The following CLIP1 variants were observed in gnomAD, a reference collection of about 807,000 sequenced individuals.
CLIP1 encodes CAP-Gly domain containing linker protein 1.
Under a neutral mutation model 161.6 loss-of-function variants are expected in CLIP1, and 66 were observed. The observed-to-expected ratio is 0.41, with a 90% CI of 0.33 to 0.50. The LOEUF (loss-of-function observed/expected upper bound fraction) is 0.50, where lower values mean the gene tolerates loss of function less well. Ranked by LOEUF, CLIP1 falls within the 20% of genes least tolerant of loss-of-function variation. The probability of loss-of-function intolerance (pLI) is 0.27; values close to 1 mark genes in which losing one functional copy is unlikely to be tolerated. For missense variants in CLIP1, 1,376 were observed against 1,702.0 expected (o/e 0.81, Z 3.37); for synonymous variants, 598 against 626.2 (o/e 0.96, Z 0.67).
At chr12:122,415,249 A>T (rs547047170) in intron 1 of CLIP1, among the ~76,000 whole-genome samples, 2 of 151,908 alleles carry the variant, frequency 1.3e-5, no homozygotes, top group Non-Finnish European at 2.9e-5. Context: ...TGGGAGGCAG[A>T]GGCGGGCGGA....
At chr12:122,348,569 A>G (rs1190667983) in intron 9 of CLIP1, among the ~76,000 whole-genome samples, 1 of 152,136 alleles carries the variant, frequency 6.6e-6, no homozygotes, top group Non-Finnish European at 1.5e-5. Flanking sequence ...CCCAGAGGAT[A>G]ATCTCTAACA....
chr12:122,403,445 A>G (rs1176278114), intron 1 of CLIP1, among the ~76,000 whole-genome samples: 2 of 151,052 alleles, frequency 1.3e-5, no homozygotes, highest in Non-Finnish European at 2.9e-5. Context: ...CATGAAAGGA[A>G]CCTGTGGCTG....
At chr12:122,418,828 A>G (rs1258023633) in intron 1 of CLIP1, among the ~76,000 whole-genome samples, 1 of 152,146 alleles carries the variant, frequency 6.6e-6, no homozygotes, top group Non-Finnish European at 1.5e-5. Flanking sequence ...ACTAATAAAC[A>G]TTGTCTACTC....
Position 122,299,814 on chromosome 12 carries a change from G to A in CLIP1, c.3594+9948C>T, listed in dbSNP as rs550918873. ...GCCTGTAGTCCCAGCTACTCGGGAA[G>A]CTGAGGCAGGAGAATGGCGTGAACC... On this transcript the variant is annotated intron_variant, in intron 20 of 25. Coordinates refer to ENST00000620786, the MANE Select transcript of CLIP1 (RefSeq NM_001247997.2). 3.9e-5 allele frequency among the ~76,000 whole-genome samples: 6 copies of A among 152,090 alleles called. No homozygotes were observed. The East Asian group carries it at 7.7e-4, about 20-fold the overall frequency.
In CLIP1 at chr12:122,340,779, T is replaced by A; in HGVS notation, c.2425A>T (p.Ile809Phe). 2 of 1,585,552 alleles carry A rather than the reference T, an allele frequency of 1.3e-6. No individual in the cohort carries two copies. Among genetic ancestry groups the A allele is most frequent in the Non-Finnish European group, 1.7e-6 (2 of 1,167,184 alleles). The change falls in exon 11 of 26, where the codon ATT (isoleucine) becomes TTT (phenylalanine). Residue 809 changes from isoleucine (I) to phenylalanine (F), a missense_variant. This residue lies in a region of CLIP1 where 948 missense variants were observed against 1,134.8 expected (regional missense o/e 0.84). Coordinates refer to ENST00000620786, the MANE Select transcript of CLIP1 (RefSeq NM_001247997.2). ...AAEKQIKHLE[I>F]EKNAESSKAS... ...TTGCTACTTTCAGCATTCTTTTCAA[T>A]CTCTAAATGTTTAATCTGTTTCTCA...
intron 1 of CLIP1, among the ~76,000 whole-genome samples, chr12:122,401,238 T>C (rs1956131162): frequency 1.3e-5 from 2 of 152,020 alleles, no homozygotes; most frequent in Non-Finnish European, 2.9e-5. Flanking sequence ...AGTGGGCCAA[T>C]GAAGGGTGGG....
At chr12:122,300,653 C>G (rs982740479) in intron 20 of CLIP1, among the ~76,000 whole-genome samples, 2 of 152,190 alleles carry the variant, frequency 1.3e-5, no homozygotes, top group African/African-American at 4.8e-5. Flanking sequence ...CAACCTCCGC[C>G]TCCTGGGTTC....
intron 1 of CLIP1, among the ~76,000 whole-genome samples, chr12:122,382,395 C>T (rs1275708385): frequency 2.6e-5 from 4 of 151,090 alleles, no homozygotes. Context: ...CGTTGTGGCG[C>T]GTGCCTCCTG....
At chr12:122,384,910 G>T (rs1955180554) in intron 1 of CLIP1, among the ~76,000 whole-genome samples, 1 of 150,646 alleles carries the variant, frequency 6.6e-6, no homozygotes, top group Non-Finnish European at 1.5e-5. Context: ...GTTAAAACTG[G>T]AAGGGAAACA....
At chr12:122,388,561 A>G (rs570739342) in intron 1 of CLIP1, among the ~76,000 whole-genome samples, 2 of 152,026 alleles carry the variant, frequency 1.3e-5, no homozygotes, top group Admixed American at 6.6e-5. Flanking sequence ...TGGATGCTGA[A>G]GTTTATTATT....
chr12:122,404,885 G>T (rs1338142282), intron 1 of CLIP1, among the ~76,000 whole-genome samples: 3 of 148,190 alleles, frequency 2.0e-5, no homozygotes, highest in African/African-American at 7.5e-5. Context: ...GGGTGACAGA[G>T]CGAGACTCCA....
In CLIP1 at chr12:122,271,998, C is replaced by G. The variant is rs1955200860; in HGVS notation, c.*877G>C. 6.6e-6 allele frequency: 1 copy of G among 152,426 alleles called. No individual in the cohort carries two copies. The highest frequency in any genetic ancestry group is 1.5e-5 in the Non-Finnish European group (1 of 67,992). 9.4% of individuals were successfully genotyped at this position (152,426 alleles called of 1,614,324 possible). A position where few individuals can be genotyped will look rare whatever the true frequency, so the allele number is the denominator to read the frequency against. The stretch of plus-strand genomic sequence containing the variant: ...ATCTGGTGAAGAAATAAAAGGAAAA[C>G]AAACAAATGAAAATGGTTGCAAAGC... On this transcript the variant is annotated 3_prime_UTR_variant, in exon 26 of 26. Coordinates refer to ENST00000620786, the MANE Select transcript of CLIP1 (RefSeq NM_001247997.2).
intron 20 of CLIP1, among the ~76,000 whole-genome samples, chr12:122,308,697 A>C (rs1428113736): frequency 6.6e-6 from 1 of 152,328 alleles, no homozygotes; most frequent in Admixed American, 6.5e-5. Context: ...GACAGCTAGC[A>C]CTTATTTGTG....
intron 1 of CLIP1, among the ~76,000 whole-genome samples, chr12:122,412,056 TTTTC>T (rs1593271365): frequency 7.3e-6 from 1 of 136,132 alleles, no homozygotes; most frequent in Non-Finnish European, 1.5e-5. Context: ...CAACCAGTTA[TTTTC>T]TTTTTTTTTT....
At chr12:122,318,305 TG>T (rs1202638408) in intron 18 of CLIP1, among the ~76,000 whole-genome samples, 1 of 152,046 alleles carries the variant, frequency 6.6e-6, no homozygotes, top group Non-Finnish European at 1.5e-5. Context: ...GAGGCCAAGG[TG>T]GGAGGATCAC....
Position 122,349,913 on chromosome 12 carries a change from T to G in CLIP1, c.1401+1198A>C, listed in dbSNP as rs201229212. ...TTTTTTGTTTTTTTTGTTTTTTTTG[T>G]TTTTTTTTGAGATGGAGTTTTGTTC... On this transcript the variant is annotated intron_variant, in intron 9 of 25. Transcript: ENST00000620786. Among the ~76,000 whole-genome samples the G allele has an allele frequency of 6.1e-3, 692 of 113,198 alleles. 6 individuals are homozygous for G. The highest frequency in any genetic ancestry group is 6.7e-3 in the Non-Finnish European group (348 of 52,238). The allele number at this position is 113,198 out of a possible 152,430, so 74.3% of individuals were successfully genotyped here. A position where few individuals can be genotyped will look rare whatever the true frequency, so the allele number is the denominator to read the frequency against.
chr12:122,333,935 A>G, intron 14 of CLIP1, 92 bp downstream of exon 14: 1 of 762,046 alleles, frequency 1.3e-6, no homozygotes, highest in Non-Finnish European at 2.3e-6. Flanking sequence ...CTATGCCTGA[A>G]TAGTACATTT....
Position 122,318,312 on chromosome 12 carries a change from A to G in CLIP1, c.3366+920T>C, listed in dbSNP as rs182763801. Among the ~76,000 whole-genome samples the G allele has an allele frequency of 2.2e-3, 332 of 152,286 alleles. 3 individuals carry two copies. Among genetic ancestry groups the G allele is most frequent in the African/African-American group, 7.8e-3 (323 of 41,548 alleles). On this transcript the variant is annotated intron_variant, in intron 18 of 25. Coordinates refer to ENST00000620786, the MANE Select transcript of CLIP1 (RefSeq NM_001247997.2). ...CCCTTTGGGAGGCCAAGGTGGGAGG[A>G]TCACGAGGTCAGGAGTTCCAGAACA...
At chr12:122,288,806 ATCTTTTTTTTTT>A (rs749751008) in intron 20 of CLIP1, among the ~76,000 whole-genome samples, 1 of 133,058 alleles carries the variant, frequency 7.5e-6, no homozygotes, top group East Asian at 2.8e-4. Flanking sequence ...AACGAAGCAC[ATCTTTTTTTTTT>A]TTTTTTTTTT....
Sources: gnomAD v4.1 joint callset for allele counts (sites outside exome capture counted in the v4.1 genomes callset) on GRCh38, gnomAD v4.1.1 for gene constraint, gnomAD v4.1.1 regional missense constraint, MANE v1.5 for transcripts, NCBI Gene and HGNC (gene_info 2026-07-23, HGNC 2026-07-21) for gene names.